COX16: variants seen among roughly 807,000 people sequenced by gnomAD.
COX16 encodes the protein cytochrome c oxidase assembly factor COX16.
In COX16, 12 loss-of-function variants were observed where a neutral mutation model predicts 15.4. The ratio of observed to expected loss-of-function variants is 0.78; its 90% confidence interval spans 0.50 to 1.26. The LOEUF (loss-of-function observed/expected upper bound fraction) is 1.26. COX16 is among the 50% of genes most tolerant of loss of function. The probability of loss-of-function intolerance (pLI) is 0.00; values close to 1 mark genes in which losing one functional copy is unlikely to be tolerated. For missense variants in COX16, 124 were observed against 127.6 expected (o/e 0.97, Z 0.14); for synonymous variants, 46 against 41.1 (o/e 1.12, Z -0.46).
Position 70,326,311 on chromosome 14 carries a change from A to C in COX16, c.*22T>G. The C allele has an allele frequency of 6.9e-7, 1 of 1,447,996 alleles. No homozygotes were observed. Among genetic ancestry groups the C allele is most frequent in the Non-Finnish European group, 9.1e-7 (1 of 1,099,320 alleles). 89.7% of individuals were successfully genotyped at this position (1,447,996 alleles called of 1,614,324 possible). A position where few individuals can be genotyped will look rare whatever the true frequency, so the allele number is the denominator to read the frequency against. ...AATATTTTTATTTAAAAAAAAAAAAAAGGAAAAAAGAATCAGCAGAGTCAA... is the reference window on the plus strand; with the variant it reads ...AATATTTTTATTTAAAAAAAAAAAACAGGAAAAAAGAATCAGCAGAGTCAA... On this transcript the variant is annotated 3_prime_UTR_variant, in exon 4 of 4. Transcript: ENST00000389912.
At chr14:70,341,922 C>G (rs9323537) in intron 2 of COX16, among the ~76,000 whole-genome samples, 132,504 of 152,202 alleles carry the variant, frequency 0.87, 57,743 homozygotes, top group East Asian at 0.93. Flanking sequence ...ATAAATGTAG[C>G]TGTCTTTATT....
intron 1 of COX16, among the ~76,000 whole-genome samples, chr14:70,345,556 T>G (rs1176310810): frequency 1.3e-5 from 2 of 152,170 alleles, no homozygotes; most frequent in Non-Finnish European, 2.9e-5. Flanking sequence ...TCTAAGTACC[T>G]GTCTTTTTTG....
chr14:70,356,462 C>T (rs1219936437), intron 1 of COX16, among the ~76,000 whole-genome samples: 1 of 152,126 alleles, frequency 6.6e-6, no homozygotes, highest in Non-Finnish European at 1.5e-5. Context: ...AGTACCAGTC[C>T]GTGGCCCAGG....
chr14:70,352,578 T>G (rs575171605), intron 1 of COX16, among the ~76,000 whole-genome samples: 2 of 106,706 alleles, frequency 1.9e-5, no homozygotes, highest in African/African-American at 6.0e-5. Flanking sequence ...TAATGCATAT[T>G]ACATACATTA....
At chr14:70,326,775 TC>T (rs1886092625) in intron 3 of COX16, among the ~76,000 whole-genome samples, 1 of 151,864 alleles carries the variant, frequency 6.6e-6, no homozygotes, top group Non-Finnish European at 1.5e-5. Flanking sequence ...TGAAGGCTGA[TC>T]CAGCACAGTG....
In COX16 at chr14:70,342,735, A is replaced by G; in HGVS notation, c.70-6T>C. On this transcript the variant is annotated splice_polypyrimidine_tract_variant and splice_region_variant and intron_variant, in intron 1 of 3. Coordinates refer to ENST00000389912, the MANE Select transcript of COX16 (RefSeq NM_016468.7). ...GAACCTCCAACAATCAGCAACTAAA[A>G]CAAAGAAAGGAAACATTTAAGCAAA... 6.2e-7 allele frequency: 1 copy of G among 1,611,612 alleles called. No homozygotes were observed. Among genetic ancestry groups the G allele is most frequent in the Non-Finnish European group, 8.5e-7 (1 of 1,179,316 alleles).
intron 2 of COX16, among the ~76,000 whole-genome samples, chr14:70,332,130 C>A (rs4600398): frequency 0.87 from 132,665 of 152,284 alleles, 57,859 homozygotes; most frequent in East Asian, 0.93. Flanking sequence ...TCCAGAAGGA[C>A]TCATACATGC....
chr14:70,342,446 A>G (rs1018684687), intron 2 of COX16, among the ~76,000 whole-genome samples: 12 of 152,222 alleles, frequency 7.9e-5, no homozygotes, highest in Admixed American at 3.9e-4. Context: ...CCCCGTGGCA[A>G]AAGAAAAAAA....
At chr14:70,327,228 A>G (rs1433745374) in intron 3 of COX16, among the ~76,000 whole-genome samples, 1 of 152,222 alleles carries the variant, frequency 6.6e-6, no homozygotes, top group African/African-American at 2.4e-5. Context: ...TTACCTTGAC[A>G]CTTGGATACT....
intron 1 of COX16, among the ~76,000 whole-genome samples, chr14:70,348,177 C>A (rs923941572): frequency 1.3e-5 from 2 of 152,190 alleles, no homozygotes; most frequent in African/African-American, 2.4e-5. Flanking sequence ...GCACTGGAGG[C>A]AGCTGCTGTC....
At chr14:70,331,929 C>G (rs142938370) in intron 2 of COX16, among the ~76,000 whole-genome samples, 1,935 of 152,276 alleles carry the variant, frequency 0.013, 11 homozygotes, top group Non-Finnish European at 0.021. Context: ...CCTCAGAATT[C>G]AGGTAGGAGG....
At chr14:70,350,891 T>C (rs1886933905) in intron 1 of COX16, among the ~76,000 whole-genome samples, 2 of 152,246 alleles carry the variant, frequency 1.3e-5, no homozygotes. Context: ...TAATACCAAA[T>C]GCTGTATCTC....
At chr14:70,356,508 A>G (rs1251199011) in intron 1 of COX16, among the ~76,000 whole-genome samples, 1 of 152,206 alleles carries the variant, frequency 6.6e-6, no homozygotes, top group African/African-American at 2.4e-5. Flanking sequence ...ACACAAATGG[A>G]CTAAGACAAA....
chr14:70,355,479 C>T (rs1350443276), intron 1 of COX16, among the ~76,000 whole-genome samples: 1 of 152,174 alleles, frequency 6.6e-6, no homozygotes, highest in Non-Finnish European at 1.5e-5. Context: ...TTGATTACAA[C>T]ATTCCATACA....
chr14:70,339,253 G>T (rs955385087), intron 2 of COX16, among the ~76,000 whole-genome samples: 5 of 152,022 alleles, frequency 3.3e-5, no homozygotes. Flanking sequence ...CAGCACTCAT[G>T]AGAAAAAAAC....
chr14:70,332,524 G>A (rs779341072), intron 2 of COX16, among the ~76,000 whole-genome samples: 104 of 152,212 alleles, frequency 6.8e-4, no homozygotes, highest in Non-Finnish European at 1.4e-3. Context: ...AGCCTCTCCT[G>A]CCACAGTTGG....
chr14:70,333,388 A>T (rs1178789209), intron 2 of COX16, among the ~76,000 whole-genome samples: 1 of 152,208 alleles, frequency 6.6e-6, no homozygotes, highest in Non-Finnish European at 1.5e-5. Flanking sequence ...GGTTGAAATA[A>T]TTTTTTAAAA....
chr14:70,330,953 G>C (rs1215082981), intron 2 of COX16, among the ~76,000 whole-genome samples: 1 of 152,112 alleles, frequency 6.6e-6, no homozygotes, highest in Non-Finnish European at 1.5e-5. Flanking sequence ...TTATACTTTG[G>C]AGTAGGGAAA....
chr14:70,342,795 A>G, intron 1 of COX16, 66 bp from the exon 2 acceptor site: 2 of 1,561,426 alleles, frequency 1.3e-6, no homozygotes, highest in Non-Finnish European at 1.7e-6. Context: ...GCCTATCTAT[A>G]GATTGCTTTT....
Sources: allele counts gnomAD v4.1 joint callset (sites outside exome capture counted in the v4.1 genomes callset), GRCh38; gene constraint gnomAD v4.1.1; transcripts MANE v1.5; gene names NCBI Gene and HGNC (gene_info 2026-07-23, HGNC 2026-07-21).